SDK1: variants seen among roughly 807,000 people sequenced by gnomAD.
SDK1 encodes sidekick cell adhesion molecule 1.
SDK1 carries 157 observed loss-of-function variants against 245.5 expected under a neutral mutation model. The observed-to-expected ratio is 0.64, with a 90% CI of 0.56 to 0.73. The LOEUF is 0.73. SDK1 is among the 30% of genes least tolerant of loss of function. The probability of loss-of-function intolerance (pLI) is 0.00; values close to 1 mark genes in which losing one functional copy is unlikely to be tolerated. For missense variants in SDK1, 3,583 were observed against 3,002.3 expected, an observed-to-expected ratio of 1.19 and a Z score of -4.52; for synonymous variants, 1,647 against 1,278.5, an observed-to-expected ratio of 1.29 and a Z score of -6.15.
chr7:3,856,541 A>G (rs1345816719), intron 5 of SDK1, among the ~76,000 whole-genome samples: 1 of 150,840 alleles, frequency 6.6e-6, no homozygotes, highest in Non-Finnish European at 1.5e-5. Context: ...TTGCAATCCC[A>G]GTACTTTGGG....
At chr7:3,925,552 G>T (rs982658113) in intron 5 of SDK1, among the ~76,000 whole-genome samples, 9 of 152,212 alleles carry the variant, frequency 5.9e-5, no homozygotes, top group African/African-American at 2.2e-4. Context: ...CATGCAGGAT[G>T]CTTCTCCAGA....
intron 4 of SDK1, among the ~76,000 whole-genome samples, chr7:3,674,808 T>C (rs1181147208): frequency 2.0e-5 from 3 of 152,016 alleles, no homozygotes; most frequent in African/African-American, 7.2e-5. Context: ...TGGACAGAGA[T>C]CCACAAGATT....
intron 1 of SDK1, among the ~76,000 whole-genome samples, chr7:3,407,558 C>G (rs1482700178): frequency 6.6e-6 from 1 of 152,080 alleles, no homozygotes; most frequent in East Asian, 1.9e-4. Flanking sequence ...AATATGTTAT[C>G]TAAGGGTGTG....
intron 1 of SDK1, among the ~76,000 whole-genome samples, chr7:3,430,269 A>G (rs968768382): frequency 1.3e-5 from 2 of 152,122 alleles, no homozygotes; most frequent in East Asian, 2.0e-4. Flanking sequence ...TTCTCTGACC[A>G]TATCAATGTT....
intron 5 of SDK1, among the ~76,000 whole-genome samples, chr7:3,854,493 T>A (rs1406277980): frequency 2.0e-5 from 3 of 152,190 alleles, no homozygotes. Flanking sequence ...TGTTGTTGAG[T>A]GCTAAAGGTG....
At chr7:3,763,286 A>G (rs775741791) in intron 4 of SDK1, among the ~76,000 whole-genome samples, 1 of 152,212 alleles carries the variant, frequency 6.6e-6, no homozygotes, top group Non-Finnish European at 1.5e-5. Flanking sequence ...CATAACTTAC[A>G]TGTAGCAAAA....
chr7:3,801,881 T>A (rs1265334661), intron 4 of SDK1, among the ~76,000 whole-genome samples: 1 of 152,216 alleles, frequency 6.6e-6, no homozygotes, highest in Non-Finnish European at 1.5e-5. Context: ...TGTGTCTCCC[T>A]GAAAACTCCA....
intron 10 of SDK1, among the ~76,000 whole-genome samples, chr7:3,967,773 G>A (rs967381960): frequency 1.3e-5 from 2 of 152,160 alleles, no homozygotes; most frequent in African/African-American, 2.4e-5. Context: ...TGCTGCTGCC[G>A]AGCTGACAGG....
chr7:4,262,530 G>C (rs1035057449), intron 44 of SDK1, among the ~76,000 whole-genome samples: 14 of 151,350 alleles, frequency 9.3e-5, no homozygotes, highest in African/African-American at 3.4e-4. Flanking sequence ...CCACTTTTCC[G>C]TGTGTTTGAG....
intron 4 of SDK1, among the ~76,000 whole-genome samples, chr7:3,798,453 G>A (rs1347215662): frequency 2.0e-5 from 3 of 152,104 alleles, no homozygotes; most frequent in Admixed American, 6.5e-5. Context: ...TCCTGACCTT[G>A]TGATCCACCC....
rs913314392 is a variant in SDK1 at position 4,266,569 on chromosome 7, G to A, written c.*1185G>A. On this transcript the variant is annotated 3_prime_UTR_variant, in exon 45 of 45. Transcript: ENST00000404826. ...TAGCCTTAACAGGTTTTTTGGAAAT[G>A]TTTCTTTTTTTTATTTAAAATTGTC... is the stretch of plus-strand genomic sequence containing the variant. 2.1e-5 allele frequency: 19 copies of A among 914,518 alleles called. No homozygotes were observed. Among genetic ancestry groups the A allele is most frequent in the East Asian group, 2.0e-4 (1 of 5,012 alleles). The allele number at this position is 914,518 out of a possible 1,614,324, so 56.7% of individuals were successfully genotyped here.
rs549409034 is a variant in SDK1 at position 3,415,798 on chromosome 7, C to T, written c.298+113914C>T. 5.6e-4 allele frequency among the ~76,000 whole-genome samples: 85 copies of T among 151,796 alleles called. 1 individual carries two copies. The highest frequency in any genetic ancestry group is 9.1e-4 in the Non-Finnish European group (62 of 67,942). On this transcript the variant is annotated intron_variant, in intron 1 of 44. Coordinates refer to ENST00000404826, the MANE Select transcript of SDK1 (RefSeq NM_152744.4). ...TTCTTCGGAGTAGGGACTATGTTTTCTTCACCAATTTCCATTGCCTAGCAC... is the reference window on the plus strand; with the variant it reads ...TTCTTCGGAGTAGGGACTATGTTTTTTTCACCAATTTCCATTGCCTAGCAC...
intron 4 of SDK1, among the ~76,000 whole-genome samples, chr7:3,646,183 G>T (rs1194911590): frequency 2.0e-5 from 3 of 152,230 alleles, no homozygotes; most frequent in Admixed American, 6.5e-5. Context: ...TAACCTCCTT[G>T]TGTGAGTTTG....
At position 3,566,220 on chromosome 7, in the gene SDK1, T is replaced by A. The variant is rs986105299; in HGVS notation, c.299-52860T>A. On this transcript the variant is annotated intron_variant, in intron 1 of 44. Transcript: ENST00000404826. The stretch of plus-strand genomic sequence containing the variant: ...TATGTTTTTGGGAACTTGATAAACT[T>A]CTTCTTTTTTTTTTTTTTTTTTGAG... Among the ~76,000 whole-genome samples the A allele has an allele frequency of 1.1e-4, 15 of 140,846 alleles. No homozygotes were observed. The South Asian group carries it at 1.4e-3, about 13-fold the overall frequency. The allele number at this position is 140,846 out of a possible 152,430, so 92.4% of individuals were successfully genotyped here.
intron 1 of SDK1, among the ~76,000 whole-genome samples, chr7:3,427,452 G>C (rs1779708868): frequency 6.6e-6 from 1 of 151,398 alleles, no homozygotes; most frequent in South Asian, 2.1e-4. Flanking sequence ...CTGGGAGAGG[G>C]AGGTTGCAGT....
intron 17 of SDK1, among the ~76,000 whole-genome samples, chr7:4,022,972 C>T (rs1051473385): frequency 3.3e-5 from 5 of 151,880 alleles, no homozygotes; most frequent in African/African-American, 7.3e-5. Context: ...GACGGGGTTT[C>T]GCCGTGTTAC....
intron 4 of SDK1, among the ~76,000 whole-genome samples, chr7:3,751,446 G>T (rs1370300362): frequency 1.3e-5 from 2 of 151,224 alleles, no homozygotes; most frequent in Admixed American, 1.3e-4. Flanking sequence ...GAAGAACTTC[G>T]GCGGGGGGTG....
chr7:3,355,451 T>A (rs1780764722), intron 1 of SDK1, among the ~76,000 whole-genome samples: 1 of 152,218 alleles, frequency 6.6e-6, no homozygotes, highest in African/African-American at 2.4e-5. Context: ...CCCATGTTGC[T>A]TGCAATTACA....
chr7:3,822,073 T>C (rs1779660366), intron 5 of SDK1, among the ~76,000 whole-genome samples: 1 of 152,246 alleles, frequency 6.6e-6, no homozygotes. Flanking sequence ...GCCTGATTCT[T>C]GAAGACAATG....
Sources: gnomAD v4.1 joint callset for allele counts (sites outside exome capture counted in the v4.1 genomes callset) on GRCh38, gnomAD v4.1.1 for gene constraint, MANE v1.5 for transcripts, NCBI Gene and HGNC (gene_info 2026-07-23, HGNC 2026-07-21) for gene names.